NEGR1: variants seen among roughly 807,000 people sequenced by gnomAD.
NEGR1 encodes the protein IgLON family member 4.
In NEGR1, 10 loss-of-function variants were observed where a neutral mutation model predicts 40.9. That is an observed-to-expected ratio of 0.24 (90% CI 0.15 to 0.42). The LOEUF is 0.42. Ranked by LOEUF, NEGR1 falls within the 10% of genes least tolerant of loss-of-function variation. The pLI, the probability that NEGR1 is intolerant of heterozygous loss-of-function variation, is 1.00. For synonymous variants in NEGR1, 185 were observed against 166.8 expected (o/e 1.11, Z -0.84); for missense variants, 352 against 438.9 (o/e 0.80, Z 1.77).
chr1:71,500,741 C>T (rs958036838), intron 6 of NEGR1, among the ~76,000 whole-genome samples: 2 of 151,852 alleles, frequency 1.3e-5, no homozygotes, highest in African/African-American at 4.8e-5. Flanking sequence ...TGCTCAAGTC[C>T]CTTATATAAA....
At chr1:71,941,760 T>TATGCAC (rs146974753) in intron 1 of NEGR1, among the ~76,000 whole-genome samples, 17,902 of 152,142 alleles carry the variant, frequency 0.12, 1,135 homozygotes, top group Middle Eastern at 0.21. Context: ...TTAACATTAC[T>TATGCAC]ATGCACCAGA....
At chr1:71,753,990 G>T (rs951407759) in intron 3 of NEGR1, among the ~76,000 whole-genome samples, 1 of 152,160 alleles carries the variant, frequency 6.6e-6, no homozygotes, top group African/African-American at 2.4e-5. Flanking sequence ...GACACCTGGG[G>T]TGATGAATTG....
At chr1:71,770,383 G>A (rs1245071692) in intron 3 of NEGR1, among the ~76,000 whole-genome samples, 1 of 152,074 alleles carries the variant, frequency 6.6e-6, no homozygotes, top group Non-Finnish European at 1.5e-5. Flanking sequence ...AGTTATTTAA[G>A]GTCTTATTGT....
intron 6 of NEGR1, among the ~76,000 whole-genome samples, chr1:71,543,670 A>G (rs1327449066): frequency 6.6e-6 from 1 of 151,778 alleles, no homozygotes; most frequent in African/African-American, 2.4e-5. Context: ...TTTAGAGAAC[A>G]AACTGGTATC....
intron 3 of NEGR1, among the ~76,000 whole-genome samples, chr1:71,723,680 A>C (rs1654582775): frequency 6.6e-6 from 1 of 152,014 alleles, no homozygotes; most frequent in Non-Finnish European, 1.5e-5. Flanking sequence ...GTTTATAATA[A>C]ATTGAAGTGC....
intron 6 of NEGR1, chr1:71,408,628 C>T (rs1210861188): frequency 6.6e-6 from 1 of 151,856 alleles, no homozygotes; most frequent in Non-Finnish European, 1.5e-5. Flanking sequence ...TACAGCCGTG[C>T]TTGGACTTGT....
At chr1:71,451,424 C>A (rs957904153) in intron 6 of NEGR1, among the ~76,000 whole-genome samples, 3 of 151,126 alleles carry the variant, frequency 2.0e-5, no homozygotes, top group Non-Finnish European at 4.4e-5. Context: ...ACCTCCGCCT[C>A]CTGGGTTCAA....
chr1:72,016,735 C>A (rs1368117638), intron 1 of NEGR1, among the ~76,000 whole-genome samples: 1 of 152,144 alleles, frequency 6.6e-6, no homozygotes, highest in Non-Finnish European at 1.5e-5. Context: ...CCCTGCACTG[C>A]TCTTATCTCA....
chr1:71,944,152 AG>A (rs1645996962), intron 1 of NEGR1, among the ~76,000 whole-genome samples: 1 of 152,224 alleles, frequency 6.6e-6, no homozygotes, highest in Non-Finnish European at 1.5e-5. Flanking sequence ...GATAACTGGC[AG>A]GTGCTCTGAA....
intron 1 of NEGR1, among the ~76,000 whole-genome samples, chr1:72,141,584 C>T (rs907523937): frequency 2.0e-5 from 3 of 151,970 alleles, no homozygotes; most frequent in African/African-American, 7.2e-5. Flanking sequence ...TTCATTTTAA[C>T]AAATCAGTGA....
At chr1:72,272,189 G>A (rs2100559666) in intron 1 of NEGR1, among the ~76,000 whole-genome samples, 1 of 151,760 alleles carries the variant, frequency 6.6e-6, no homozygotes, top group South Asian at 2.1e-4. Context: ...AAAGTTTAAG[G>A]TAATTTGATG....
chr1:71,684,249 T>C (rs1035119452), intron 4 of NEGR1, among the ~76,000 whole-genome samples: 3 of 151,972 alleles, frequency 2.0e-5, no homozygotes, highest in Non-Finnish European at 4.4e-5. Context: ...CCAGCCTGAG[T>C]GACACAGCAA....
intron 6 of NEGR1, among the ~76,000 whole-genome samples, chr1:71,563,970 A>G (rs561984705): frequency 4.6e-5 from 7 of 152,048 alleles, no homozygotes; most frequent in African/African-American, 1.4e-4. Context: ...AAAAAAAAAA[A>G]GACCAACCTT....
intron 3 of NEGR1, among the ~76,000 whole-genome samples, chr1:71,749,774 A>C (rs1461454375): frequency 6.6e-6 from 1 of 152,162 alleles, no homozygotes; most frequent in African/African-American, 2.4e-5. Context: ...GTTGTGTTGG[A>C]TATTTTCTCC....
In NEGR1 at chr1:71,898,979, A is replaced by T. The variant is rs998744460; in HGVS notation, c.409+36100T>A. On this transcript the variant is annotated intron_variant, in intron 2 of 6. Transcript: ENST00000357731. ...ATATATATAGCATATATATATATAT[A>T]GCATATATATATATATATATATATA... Among the ~76,000 whole-genome samples the T allele has an allele frequency of 3.9e-4, 11 of 28,492 alleles. No individual in the cohort carries two copies. In the East Asian group the frequency reaches 8.0e-3, roughly 21 times the overall value. The allele number at this position is 28,492 out of a possible 152,430, so 18.7% of individuals were successfully genotyped here.
intron 1 of NEGR1, among the ~76,000 whole-genome samples, chr1:72,052,438 TTTAGAA>T (rs2100478756): frequency 6.6e-6 from 1 of 151,540 alleles, no homozygotes; most frequent in Admixed American, 6.6e-5. Context: ...ATTCTGGTGT[TTTAGAA>T]AATAGTTAAC....
At chr1:71,942,459 A>ATATATC (rs1553123464) in intron 1 of NEGR1, among the ~76,000 whole-genome samples, 58 of 6,410 alleles carry the variant, frequency 9.0e-3, no homozygotes, top group Non-Finnish European at 0.017. Context: ...TTAAATCTAT[A>ATATATC]TATATATATA....
chr1:71,493,364 A>G (rs1451183839), intron 6 of NEGR1, among the ~76,000 whole-genome samples: 4 of 152,048 alleles, frequency 2.6e-5, no homozygotes, highest in Admixed American at 2.6e-4. Flanking sequence ...GGGAAGCCCA[A>G]TTTTTCAAAA....
chr1:71,457,035 T>C (rs1267693292), intron 6 of NEGR1, among the ~76,000 whole-genome samples: 2 of 152,122 alleles, frequency 1.3e-5, no homozygotes, highest in African/African-American at 2.4e-5. Context: ...GAAATATTAT[T>C]ATCTTCCTCT....
Sources: allele counts gnomAD v4.1 joint callset (sites outside exome capture counted in the v4.1 genomes callset), GRCh38; gene constraint gnomAD v4.1.1; transcripts MANE v1.5; gene names NCBI Gene and HGNC (gene_info 2026-07-23, HGNC 2026-07-21).